EPHB4: variants seen among roughly 807,000 people sequenced by gnomAD.
EPHB4 encodes the protein EPH receptor B4.
Under a neutral mutation model 110.6 loss-of-function variants are expected in EPHB4, and 50 were observed. The ratio of observed to expected loss-of-function variants is 0.45; its 90% confidence interval spans 0.36 to 0.57. The LOEUF (loss-of-function observed/expected upper bound fraction) is 0.57, where lower values mean the gene tolerates loss of function less well. EPHB4 is among the 20% of genes least tolerant of loss of function. The pLI, the probability that EPHB4 is intolerant of heterozygous loss-of-function variation, is 0.00. For missense variants in EPHB4, 1,128 were observed against 1,382.1 expected, an observed-to-expected ratio of 0.82 and a Z score of 2.91; for synonymous variants, 592 against 578.4, an observed-to-expected ratio of 1.02 and a Z score of -0.34.
rs551791899 is a variant in EPHB4, at chr7:100,810,055, T to A, written c.2119-2475A>T. 4.6e-5 allele frequency among the ~76,000 whole-genome samples: 7 copies of A among 151,990 alleles called. No individual in the cohort carries two copies. The South Asian group carries it at 1.0e-3, about 23-fold the overall frequency. On this transcript the variant is annotated intron_variant, in intron 12 of 16. Transcript: ENST00000358173. ...TCACGAGGTCAGAAGTTCGAGACCA[T>A]CCTGGCCAATATGGTGAAACCCTGT... is the stretch of plus-strand genomic sequence containing the variant.
chr7:100,827,108 GGT>G lies in EPHB4; in HGVS notation c.-80_-79del. On this transcript the variant is annotated 5_prime_UTR_variant, in exon 1 of 17. Coordinates refer to ENST00000358173, the MANE Select transcript of EPHB4 (RefSeq NM_004444.5). ...CCCCAGGTCTGACTCTCCCTGGGCG[GGT>G]GGACGCCGATACTCCGCGCGGGACT... 4 of 1,478,334 alleles carry G rather than the reference GGT, an allele frequency of 2.7e-6. No homozygotes were observed. The highest frequency in any genetic ancestry group is 2.7e-6 in the Non-Finnish European group (3 of 1,093,016). The allele number at this position is 1,478,334 out of a possible 1,614,324, so 91.6% of individuals were successfully genotyped here.
chr7:100,817,872 T>G (rs1290655551), intron 7 of EPHB4, among the ~76,000 whole-genome samples: 1 of 132,050 alleles, frequency 7.6e-6, no homozygotes, highest in African/African-American at 3.0e-5. Context: ...TTTTTTTTTT[T>G]TTTTTTTTTT....
At chr7:100,820,069 G>T (rs895048836) in intron 5 of EPHB4, 72 bp downstream of exon 5, 3 of 1,565,150 alleles carry the variant, frequency 1.9e-6, no homozygotes, top group East Asian at 2.3e-5. Context: ...GAGGATGGGG[G>T]CCATGTGAGG....
At chr7:100,821,500 G>GT (rs1425447142) in intron 4 of EPHB4, among the ~76,000 whole-genome samples, 2 of 150,534 alleles carry the variant, frequency 1.3e-5, no homozygotes, top group Non-Finnish European at 3.0e-5. Flanking sequence ...GTGGTGGCGG[G>GT]GCCTGTAGTC....
chr7:100,805,574 G>A lies in EPHB4; in HGVS notation c.2605C>T (p.Gln869Ter), dbSNP rs747337230. The change falls in exon 15 of 17, where the codon CAG becomes TAG. Residue 869 changes from glutamine to a stop codon, truncating the protein, a stop_gained. Coordinates refer to ENST00000358173, the MANE Select transcript of EPHB4 (RefSeq NM_004444.5). LOFTEE classifies it high-confidence loss of function. ...ATCTTGTCCAGGGCGCTGACCACCT[G>A]GGGGAAGCGGGGCCGGGCATTCCGG... ...KDRNARPRFP[Q>*]VVSALDKMIR... 6.5e-7 allele frequency: 1 copy of A among 1,547,622 alleles called. No homozygotes were observed. The highest frequency in any genetic ancestry group is 1.2e-5 in the South Asian group (1 of 80,682).
chr7:100,811,661 GGAGTTCAGACCAGC>G (rs1283884897), intron 12 of EPHB4, among the ~76,000 whole-genome samples: 2 of 151,992 alleles, frequency 1.3e-5, no homozygotes, highest in African/African-American at 4.8e-5. Context: ...CTTGAGGCCA[GGAGTTCAGACCAGC>G]CTGGGCAACC....
chr7:100,817,354 C>A lies in EPHB4; in HGVS notation c.1426G>T (p.Ala476Ser). ...AACCGCACGCTGCTGGGACCCTCGGCGCCCTGTCCGGGAGAGGTAGTGGGG... is the reference window on the plus strand; with the variant it reads ...AACCGCACGCTGCTGGGACCCTCGGAGCCCTGTCCGGGAGAGGTAGTGGGG... ...DYEVKYHEKG[A>S]EGPSSVRFLK... The change falls in exon 8 of 17, where the codon GCC becomes TCC. Residue 476 changes from alanine to serine, a missense_variant. Around this residue, in one of 3 missense-constraint regions of EPHB4, gnomAD observed 728 missense variants for 828.6 expected, o/e 0.88. Transcript: ENST00000358173. The A allele has an allele frequency of 6.4e-7, 1 of 1,565,184 alleles. No individual in the cohort carries two copies. The highest frequency in any genetic ancestry group is 8.6e-7 in the Non-Finnish European group (1 of 1,157,432).
chr7:100,825,211 C>T (rs913338843), intron 1 of EPHB4: 7 of 152,114 alleles, frequency 4.6e-5, no homozygotes, highest in African/African-American at 1.7e-4. Flanking sequence ...GTGAGGCAGC[C>T]TCTTCCTGGG....
intron 1 of EPHB4, chr7:100,825,539 T>A (rs983353995): frequency 1.3e-5 from 2 of 152,250 alleles, no homozygotes; most frequent in African/African-American, 4.8e-5. Context: ...CTCTCACCTA[T>A]CTCTCCTCCA....
At chr7:100,812,696 G>A in intron 12 of EPHB4, 51 bp downstream of exon 12, 1 of 1,579,162 alleles carries the variant, frequency 6.3e-7, no homozygotes, top group African/African-American at 1.3e-5. Context: ...AGTGGCCTCT[G>A]GGTGTAAGTG....
intron 12 of EPHB4, among the ~76,000 whole-genome samples, chr7:100,809,555 C>T (rs1584655758): frequency 1.3e-5 from 2 of 152,210 alleles, no homozygotes; most frequent in Admixed American, 1.3e-4. Flanking sequence ...ATGGGATCGC[C>T]CAGGCTGGAA....
intron 8 of EPHB4, 60 bp from the exon 9 acceptor site, chr7:100,814,081 C>T: frequency 6.3e-7 from 1 of 1,583,398 alleles, no homozygotes; most frequent in Non-Finnish European, 8.6e-7. Context: ...GGCCCCAGCC[C>T]CGGCTTTGAG....
chr7:100,822,239 G>A lies in EPHB4; in HGVS notation c.808+32C>T, dbSNP rs752846080. 18 of 1,541,212 alleles carry A rather than the reference G, an allele frequency of 1.2e-5. No individual in the cohort carries two copies. In the East Asian group the frequency reaches 1.7e-4, roughly 15 times the overall value. Reference sequence around the variant, plus strand: ...GAGTTCAGGACTCTCCCCCGGATGAGCAGCAGTCGCAGGGGAAGCTCCAGC... The same window carrying A: ...GAGTTCAGGACTCTCCCCCGGATGAACAGCAGTCGCAGGGGAAGCTCCAGC... On this transcript the variant is annotated intron_variant, in intron 4 of 16. Coordinates refer to ENST00000358173, the MANE Select transcript of EPHB4 (RefSeq NM_004444.5). The surrounding 1 kb of genome is among the most constrained non-coding windows in gnomAD (Gnocchi z 4.7).
At chr7:100,818,264 G>C (rs1221936105) in intron 7 of EPHB4, among the ~76,000 whole-genome samples, 1 of 152,166 alleles carries the variant, frequency 6.6e-6, no homozygotes. Context: ...GCCTCCCAAA[G>C]TGCTTGGTAT....
chr7:100,821,448 T>C (rs1015539473), intron 4 of EPHB4, among the ~76,000 whole-genome samples: 3 of 150,046 alleles, frequency 2.0e-5, no homozygotes. Flanking sequence ...GCTAACACGG[T>C]GAAACTCCAT....
chr7:100,820,839 T>C (rs528249668), intron 4 of EPHB4, among the ~76,000 whole-genome samples: 235 of 152,124 alleles, frequency 1.5e-3, no homozygotes, highest in African/African-American at 2.3e-3. Flanking sequence ...AAACAATCTT[T>C]TGGCACTTGG....
chr7:100,821,981 C>T (rs932422670), intron 4 of EPHB4, among the ~76,000 whole-genome samples: 6 of 151,866 alleles, frequency 4.0e-5, no homozygotes, highest in Admixed American at 6.6e-5. Context: ...GCCAACATGG[C>T]GAAACCCCGT....
At chr7:100,825,235 C>T (rs900757099) in intron 1 of EPHB4, 1 of 152,120 alleles carries the variant, frequency 6.6e-6, no homozygotes, top group African/African-American at 2.4e-5. Context: ...CAAATGATGT[C>T]CTCCAGCTAG....
rs1304427987 is a variant in EPHB4, at chr7:100,820,125, G to C, written c.964+16C>G. Reference sequence around the variant, plus strand: ...ACCCCTCCCCAGTGAACTGCACCTGGGTGCTGGTCACTTACTGGTGCAGGG... The same window carrying C: ...ACCCCTCCCCAGTGAACTGCACCTGCGTGCTGGTCACTTACTGGTGCAGGG... On this transcript the variant is annotated intron_variant, in intron 5 of 16. Coordinates refer to ENST00000358173, the MANE Select transcript of EPHB4 (RefSeq NM_004444.5). 6.2e-7 allele frequency: 1 copy of C among 1,612,170 alleles called. No homozygotes were observed. Among genetic ancestry groups the C allele is most frequent in the Non-Finnish European group, 8.5e-7 (1 of 1,179,188 alleles).
Sources: gnomAD v4.1 joint callset for allele counts (sites outside exome capture counted in the v4.1 genomes callset) on GRCh38, gnomAD v4.1.1 for gene constraint, gnomAD v4.1.1 regional missense constraint, Gnocchi (gnomAD v3.1) non-coding constraint, MANE v1.5 for transcripts, NCBI Gene and HGNC (gene_info 2026-07-23, HGNC 2026-07-21) for gene names.